TXNDC5: variants seen among roughly 807,000 people sequenced by gnomAD.
The protein encoded by TXNDC5 is thioredoxin domain containing 5.
Under a neutral mutation model 52.6 loss-of-function variants are expected in TXNDC5, and 44 were observed. That is an observed-to-expected ratio of 0.84 (90% CI 0.66 to 1.08). TXNDC5 has a LOEUF of 1.08. Ranked by LOEUF, TXNDC5 falls within the 50% of genes least tolerant of loss-of-function variation. The pLI is 0.00. For synonymous variants in TXNDC5, 241 were observed against 234.4 expected (o/e 1.03, Z -0.26); for missense variants, 600 against 565.5 (o/e 1.06, Z -0.62).
In TXNDC5 at chr6:7,882,779, C is replaced by T; in HGVS notation, c.*365G>A. 1 of 198,360 alleles carries T rather than the reference C, an allele frequency of 5.0e-6. No individual in the cohort carries two copies. Among genetic ancestry groups the T allele is most frequent in the South Asian group, 1.0e-4 (1 of 9,648 alleles). 12.3% of individuals were successfully genotyped at this position (198,360 alleles called of 1,614,324 possible). ...GTAAACTATGCTTTGGATGTGCTTT[C>T]TTTCACCAAAATCACTCAACTCAGG... On this transcript the variant is annotated 3_prime_UTR_variant, in exon 10 of 10. Coordinates refer to ENST00000379757, the MANE Select transcript of TXNDC5 (RefSeq NM_030810.5).
chr6:7,881,629 CAA>C lies in TXNDC5; in HGVS notation c.*1513_*1514del, dbSNP rs3031019. ...TGATGCAAAGCTGAAGTTGTGTGTA[CAA>C]GACTCTTGACAGTTGTGCTTCTCTA... On this transcript the variant is annotated 3_prime_UTR_variant, in exon 10 of 10. Transcript: ENST00000379757. The C allele has an allele frequency of 0.21, 31,748 of 151,950 alleles. 4,821 individuals carry two copies. The highest frequency in any genetic ancestry group is 0.44 in the African/African-American group (18,099 of 41,354). 9.4% of individuals were successfully genotyped at this position (151,950 alleles called of 1,614,324 possible).
At position 7,882,286 on chromosome 6, in the gene TXNDC5, A is replaced by G. The variant is rs1430777118; in HGVS notation, c.*858T>C. ...GGTCTTGTCACCCCAGGTGACAAAT[A>G]CAACTGGAATCTTTCAATGAGTTAA... On this transcript the variant is annotated 3_prime_UTR_variant, in exon 10 of 10. Transcript: ENST00000379757. 2 of 152,426 alleles carry G rather than the reference A, an allele frequency of 1.3e-5. No individual in the cohort carries two copies. The highest frequency in any genetic ancestry group is 1.9e-4 in the East Asian group (1 of 5,188). 9.4% of individuals were successfully genotyped at this position (152,426 alleles called of 1,614,324 possible).
Position 7,891,884 on chromosome 6 carries a change from T to G in TXNDC5, c.617-148A>C. ...AGCACTTTAATTGGTACAAAGGGAC[T>G]CCATCAAATGTGTTTCTGTTCATGA... On this transcript the variant is annotated intron_variant, in intron 4 of 9. Coordinates refer to ENST00000379757, the MANE Select transcript of TXNDC5 (RefSeq NM_030810.5). 5.3e-6 allele frequency: 3 copies of G among 567,648 alleles called. No homozygotes were observed. The South Asian group carries it at 7.1e-5, about 13-fold the overall frequency. The allele number at this position is 567,648 out of a possible 1,614,324, so 35.2% of individuals were successfully genotyped here.
intron 2 of TXNDC5, among the ~76,000 whole-genome samples, chr6:7,903,127 C>A (rs1483029486): frequency 6.6e-6 from 1 of 152,236 alleles, no homozygotes; most frequent in Non-Finnish European, 1.5e-5. Flanking sequence ...ACCCCTGCTG[C>A]CCCTGAACTT....
At chr6:7,907,771 C>A (rs1760783948) in intron 1 of TXNDC5, among the ~76,000 whole-genome samples, 1 of 152,172 alleles carries the variant, frequency 6.6e-6, no homozygotes, top group South Asian at 2.1e-4. Context: ...TTACAACTTA[C>A]CAAAGTGTTG....
rs1389570765 is a variant in TXNDC5 at position 7,910,127 on chromosome 6, GC to G, written c.263+386del. 3.7e-5 allele frequency: 37 copies of G among 986,714 alleles called. 1 individual carries two copies. In the South Asian group the frequency reaches 1.4e-3, roughly 37 times the overall value. The allele number at this position is 986,714 out of a possible 1,614,324, so 61.1% of individuals were successfully genotyped here. ...TTTCCCGGCTGTCCCCTAGGGGTCC[GC>G]CCCCTCCTCCCGCACCGCCCCGGCC... On this transcript the variant is annotated intron_variant, in intron 1 of 9. Coordinates refer to ENST00000379757, the MANE Select transcript of TXNDC5 (RefSeq NM_030810.5).
rs181860711 is a variant in TXNDC5 at position 7,897,292 on chromosome 6, A to C, written c.520-2090T>G. ...TGCAGTAGAATGTACAAAGTGACAA[A>C]TTGTCTTTTGAGTTTCTTGAATATT... On this transcript the variant is annotated intron_variant, in intron 3 of 9. Transcript: ENST00000379757. Among the ~76,000 whole-genome samples, 3 of 152,328 alleles carry C rather than the reference A, an allele frequency of 2.0e-5. No homozygotes were observed. In the East Asian group the frequency reaches 5.8e-4, roughly 29 times the overall value.
chr6:7,898,038 C>G (rs1032667165), intron 3 of TXNDC5, among the ~76,000 whole-genome samples: 12 of 152,014 alleles, frequency 7.9e-5, no homozygotes, highest in African/African-American at 2.4e-4. Context: ...CACACACCAA[C>G]AGTCTCCACC....
intron 1 of TXNDC5, among the ~76,000 whole-genome samples, chr6:7,908,994 T>C (rs1393851865): frequency 1.3e-5 from 2 of 152,220 alleles, no homozygotes; most frequent in East Asian, 1.9e-4. Flanking sequence ...TTGTTTTATG[T>C]TACAAAGTAA....
chr6:7,887,623 C>T (rs1427566305), intron 7 of TXNDC5, among the ~76,000 whole-genome samples: 1 of 152,188 alleles, frequency 6.6e-6, no homozygotes, highest in Non-Finnish European at 1.5e-5. Context: ...AGCTTCCCAC[C>T]TCCAGCACAC....
intron 6 of TXNDC5, chr6:7,889,284 AC>A: frequency 1.9e-6 from 1 of 540,308 alleles, no homozygotes; most frequent in Non-Finnish European, 3.3e-6. Context: ...TCTAGTGATA[AC>A]CTGGGCCACT....
chr6:7,908,275 C>CT (rs1361671613), intron 1 of TXNDC5, among the ~76,000 whole-genome samples: 3 of 125,210 alleles, frequency 2.4e-5, no homozygotes, highest in African/African-American at 9.9e-5. Context: ...GAGCAAGACT[C>CT]CATCTCAAAA....
At chr6:7,892,565 C>T (rs376003804) in intron 4 of TXNDC5, among the ~76,000 whole-genome samples, 4 of 152,360 alleles carry the variant, frequency 2.6e-5, no homozygotes, top group African/African-American at 9.6e-5. Context: ...TGAATTCCCA[C>T]ATGTCGTGGG....
At chr6:7,887,777 C>T (rs1760046799) in intron 7 of TXNDC5, among the ~76,000 whole-genome samples, 1 of 152,120 alleles carries the variant, frequency 6.6e-6, no homozygotes, top group African/African-American at 2.4e-5. Context: ...AGGGATCCTA[C>T]ACCACACCCT....
chr6:7,906,843 C>G (rs1031393036), intron 1 of TXNDC5, among the ~76,000 whole-genome samples: 9 of 152,270 alleles, frequency 5.9e-5, no homozygotes, highest in Admixed American at 2.0e-4. Flanking sequence ...CCTCAGCAGG[C>G]CTTGGTTCCT....
At chr6:7,903,026 T>TGTGAAG (rs1434015878) in intron 2 of TXNDC5, among the ~76,000 whole-genome samples, 2 of 152,012 alleles carry the variant, frequency 1.3e-5, no homozygotes, top group African/African-American at 2.4e-5. Context: ...ACAGGTCCTG[T>TGTGAAG]GTCACCTTCC....
chr6:7,884,539 C>G, intron 8 of TXNDC5, 51 bp from the exon 9 acceptor site: 2 of 1,610,652 alleles, frequency 1.2e-6, no homozygotes, highest in South Asian at 1.1e-5. Context: ...CGAGATCATT[C>G]ACCTACACTC....
intron 5 of TXNDC5, among the ~76,000 whole-genome samples, chr6:7,890,115 AT>A (rs1421658472): frequency 6.6e-6 from 1 of 152,228 alleles, no homozygotes; most frequent in Non-Finnish European, 1.5e-5. Flanking sequence ...TCCGTCCTTA[AT>A]TTTATAAACT....
At position 7,910,573 on chromosome 6, in the gene TXNDC5, G is replaced by T; in HGVS notation, c.204C>A (p.Ala68=). The T allele has an allele frequency of 6.9e-7, 1 of 1,450,970 alleles. No individual in the cohort carries two copies. Among genetic ancestry groups the T allele is most frequent in the African/African-American group, 1.5e-5 (1 of 66,824 alleles). The allele number at this position is 1,450,970 out of a possible 1,614,324, so 89.9% of individuals were successfully genotyped here. The change falls in exon 1 of 10, where the codon GCC becomes GCA. Residue 68 remains alanine (A), a synonymous_variant. Coordinates refer to ENST00000379757, the MANE Select transcript of TXNDC5 (RefSeq NM_030810.5). ...TCTGGATCCCGTGCGTGAACATGTC[G>T]GCCGTGTACAGGTGCTTGCTGTGCG... The part of the protein sequence containing the change: ...QDPHSKHLYT[A]DMFTHGIQSA...
Sources: allele counts gnomAD v4.1 joint callset (sites outside exome capture counted in the v4.1 genomes callset), GRCh38; gene constraint gnomAD v4.1.1; transcripts MANE v1.5; gene names NCBI Gene and HGNC (gene_info 2026-07-23, HGNC 2026-07-21).